The following MROH7 variants were observed in gnomAD, a reference collection of about 807,000 sequenced individuals.
The protein encoded by MROH7 is maestro heat like repeat family member 7, also known as maestro heat-like repeat-containing protein family member 7.
A neutral mutation model predicts 129.2 loss-of-function variants in MROH7; 113 were observed. The ratio of observed to expected loss-of-function variants is 0.87; its 90% confidence interval spans 0.75 to 1.02. The LOEUF (loss-of-function observed/expected upper bound fraction) is 1.02, where lower values mean the gene tolerates loss of function less well. Ranked by LOEUF, MROH7 falls within the 50% of genes least tolerant of loss-of-function variation. The probability of loss-of-function intolerance (pLI) is 0.00; values close to 1 mark genes in which losing one functional copy is unlikely to be tolerated. For synonymous variants in MROH7, 655 were observed against 667.9 expected, an observed-to-expected ratio of 0.98 and a Z score of 0.30; for missense variants, 1,601 against 1,671.3, an observed-to-expected ratio of 0.96 and a Z score of 0.73.
At chr1:54,694,809 G>T (rs74604756) in intron 16 of MROH7, among the ~76,000 whole-genome samples, 4,056 of 152,256 alleles carry the variant, frequency 0.027, 101 homozygotes, top group Non-Finnish European at 0.035. Flanking sequence ...CTAATACTCT[G>T]GTTGAGTGGG....
chr1:54,650,847 C>A (rs1644543261), intron 1 of MROH7, among the ~76,000 whole-genome samples: 1 of 152,060 alleles, frequency 6.6e-6, no homozygotes, highest in African/African-American at 2.4e-5. Context: ...CCTCAGCCTC[C>A]TGAGTAGTTG....
chr1:54,710,184 G>A lies in MROH7; in HGVS notation c.3969G>A (p.Lys1323=), dbSNP rs1645603730. The change falls in exon 24 of 24, where the codon AAG becomes AAA. Residue 1323 remains lysine (K), a synonymous_variant. Coordinates refer to ENST00000421030, the MANE Select transcript of MROH7 (RefSeq NM_001039464.4). ...ALGSWKMSLK[K] is the part of the protein sequence containing the mutation. Reference sequence around the variant, plus strand: ...GCTCCTGGAAGATGTCCTTGAAGAAGTGACGTCCCTGAGCCCCAAACCCTC... The same window carrying A: ...GCTCCTGGAAGATGTCCTTGAAGAAATGACGTCCCTGAGCCCCAAACCCTC... 1 of 1,610,916 alleles carries A rather than the reference G, an allele frequency of 6.2e-7. No homozygotes were observed. Among genetic ancestry groups the A allele is most frequent in the South Asian group, 1.1e-5 (1 of 91,078 alleles).
At chr1:54,702,272 C>A in intron 20 of MROH7, 27 bp downstream of exon 20, 1 of 1,407,152 alleles carries the variant, frequency 7.1e-7, no homozygotes, top group African/African-American at 1.5e-5. Context: ...CCTGCACCCT[C>A]TACCCCTCCC....
intron 3 of MROH7, chr1:54,663,986 G>A: frequency 3.1e-6 from 1 of 320,948 alleles, no homozygotes; most frequent in Non-Finnish European, 6.0e-6. Flanking sequence ...GTCCTCAGAA[G>A]GAGAAAGATC....
chr1:54,698,358 T>C (rs1645355175), intron 17 of MROH7: 1 of 152,478 alleles, frequency 6.6e-6, no homozygotes. Context: ...CTTTTAGGGT[T>C]CTCATGACTC....
chr1:54,664,968 C>T (rs764061786), intron 3 of MROH7, among the ~76,000 whole-genome samples, 199 bp from the exon 4 acceptor site: 15 of 152,008 alleles, frequency 9.9e-5, no homozygotes, highest in South Asian at 2.1e-4. Flanking sequence ...GCCGAGATAG[C>T]GCCATTGCAC....
At chr1:54,680,292 G>C (rs1645049057) in intron 13 of MROH7, among the ~76,000 whole-genome samples, 1 of 152,202 alleles carries the variant, frequency 6.6e-6, no homozygotes, top group East Asian at 1.9e-4. Flanking sequence ...CCAAGGCTTA[G>C]GGAAGTTTCT....
chr1:54,665,984 A>C (rs879263326), intron 4 of MROH7, among the ~76,000 whole-genome samples: 3 of 152,200 alleles, frequency 2.0e-5, no homozygotes, highest in Non-Finnish European at 4.4e-5. Context: ...CTAGTTGTCC[A>C]CTGTGTTCCT....
chr1:54,648,336 T>TTTTATTTATTATTTA (rs1553168654), intron 1 of MROH7, among the ~76,000 whole-genome samples: 2 of 142,156 alleles, frequency 1.4e-5, no homozygotes, highest in African/African-American at 2.6e-5. Flanking sequence ...TTGCATGCAA[T>TTTTATTTATTATTTA]TTTATTTATT....
At chr1:54,658,212 T>A (rs893429136) in intron 3 of MROH7, among the ~76,000 whole-genome samples, 1 of 152,248 alleles carries the variant, frequency 6.6e-6, no homozygotes, top group Non-Finnish European at 1.5e-5. Flanking sequence ...ATCCAGTTTT[T>A]CTTGCTCTAT....
At chr1:54,655,227 C>G (rs1644625373) in intron 3 of MROH7, among the ~76,000 whole-genome samples, 1 of 152,024 alleles carries the variant, frequency 6.6e-6, no homozygotes, top group South Asian at 2.1e-4. Context: ...GTTGGTCAGG[C>G]TGGTCTTGAA....
intron 3 of MROH7, among the ~76,000 whole-genome samples, chr1:54,664,802 A>G (rs1003976947): frequency 3.9e-5 from 6 of 152,178 alleles, no homozygotes; most frequent in Admixed American, 3.3e-4. Context: ...CACTGGAGGC[A>G]GGAGTTCGAG....
At chr1:54,709,663 G>T (rs760687999) in intron 23 of MROH7, among the ~76,000 whole-genome samples, 5 of 152,140 alleles carry the variant, frequency 3.3e-5, no homozygotes, top group East Asian at 1.9e-4. Flanking sequence ...GCCATTTGGT[G>T]CAGGGTGACT....
chr1:54,688,798 G>C lies in MROH7; in HGVS notation c.2711+2350G>C, dbSNP rs1277152532. 5.3e-5 allele frequency among the ~76,000 whole-genome samples: 8 copies of C among 152,148 alleles called. No homozygotes were observed. The East Asian group carries it at 1.6e-3, about 29-fold the overall frequency. ...TGACGGGCTCTGGGGAAAACACAAG[G>C]GGAAAAAAAGGAGGCTCTGGAGGGG... On this transcript the variant is annotated intron_variant, in intron 15 of 23. Coordinates refer to ENST00000421030, the MANE Select transcript of MROH7 (RefSeq NM_001039464.4).
At chr1:54,702,280 C>A (rs1645452963) in intron 20 of MROH7, 35 bp downstream of exon 20, 2 of 1,382,000 alleles carry the variant, frequency 1.4e-6, no homozygotes, top group African/African-American at 3.0e-5. Flanking sequence ...CTCTACCCCT[C>A]CCTCGGGTCC....
At chr1:54,649,427 C>T (rs1170108763) in intron 1 of MROH7, among the ~76,000 whole-genome samples, 2 of 152,270 alleles carry the variant, frequency 1.3e-5, no homozygotes, top group Non-Finnish European at 2.9e-5. Context: ...AGAGCCACGG[C>T]TCCTCCTAAT....
At chr1:54,694,529 C>T (rs1366991259) in intron 16 of MROH7, among the ~76,000 whole-genome samples, 7 of 151,966 alleles carry the variant, frequency 4.6e-5, no homozygotes, top group Non-Finnish European at 7.4e-5. Flanking sequence ...TGCAGTGGCA[C>T]GGTGTTGGCT....
chr1:54,674,133 A>C lies in MROH7; in HGVS notation c.1918A>C (p.Ile640Leu). Reference protein sequence around the residue: ...ALDGIIILYTILELQKRARDK... With the variant: ...ALDGIIILYTLLELQKRARDK... ...GGACGGCATCATCATCCTCTACACTATTCTGGAGCTCCAAAAACGTAAGCC... is the reference window on the plus strand; with the variant it reads ...GGACGGCATCATCATCCTCTACACTCTTCTGGAGCTCCAAAAACGTAAGCC... Residue 640 changes from isoleucine to leucine, a missense_variant, in exon 10 of 24, where the codon ATT (isoleucine) becomes CTT (leucine). Physicochemically the swap from Ile to Leu is conservative, Grantham distance 5. Coordinates refer to ENST00000421030, the MANE Select transcript of MROH7 (RefSeq NM_001039464.4). 6.2e-7 allele frequency: 1 copy of C among 1,613,434 alleles called. No individual in the cohort carries two copies. The highest frequency in any genetic ancestry group is 8.5e-7 in the Non-Finnish European group (1 of 1,179,844).
chr1:54,673,729 A>C lies in MROH7; in HGVS notation c.1724A>C (p.Lys575Thr), dbSNP rs747490465. The C allele has an allele frequency of 6.2e-7, 1 of 1,614,086 alleles. No homozygotes were observed. The highest frequency in any genetic ancestry group is 1.1e-5 in the South Asian group (1 of 91,078). The part of the protein sequence containing the change: ...EALGPWMNSG[K>T]AHERARAVNT... ...CTGGGGCCTTGGATGAACTCTGGGAAGGCCCATGAGCGAGCACGGGCTGTG... is the reference window on the plus strand; with the variant it reads ...CTGGGGCCTTGGATGAACTCTGGGACGGCCCATGAGCGAGCACGGGCTGTG... Residue 575 changes from lysine to threonine, a missense_variant, in exon 9 of 24, where the codon AAG (lysine) becomes ACG (threonine). Physicochemically the swap from Lys to Thr is moderately conservative, Grantham distance 78. Coordinates refer to ENST00000421030, the MANE Select transcript of MROH7 (RefSeq NM_001039464.4).
Sources: gnomAD v4.1 joint callset for allele counts (sites outside exome capture counted in the v4.1 genomes callset) on GRCh38, gnomAD v4.1.1 for gene constraint, MANE v1.5 for transcripts, NCBI Gene and HGNC (gene_info 2026-07-23, HGNC 2026-07-21) for gene names.